Variants in ALK observed in about 807,000 individuals in gnomAD.
ALK encodes ALK tyrosine kinase receptor.
A neutral mutation model predicts 163.1 loss-of-function variants in ALK; 74 were observed. That is an observed-to-expected ratio of 0.45 (90% confidence interval 0.38 to 0.55). The LOEUF (loss-of-function observed/expected upper bound fraction) is 0.55. Among genes scored for constraint, ALK ranks in the 20% least tolerant of loss-of-function variants. The pLI, the probability that ALK is intolerant of heterozygous loss-of-function variation, is 0.00. For synonymous variants in ALK, 960 were observed against 843.2 expected (o/e 1.14, Z -2.40); for missense variants, 2,063 against 2,105.3 (o/e 0.98, Z 0.39).
intron 1 of ALK, among the ~76,000 whole-genome samples, chr2:29,772,730 T>G (rs1196164519): frequency 1.3e-5 from 2 of 152,220 alleles, no homozygotes; most frequent in Non-Finnish European, 2.9e-5. Context: ...CGACAAGCCT[T>G]ATACACTATT....
At chr2:29,543,080 T>C (rs1673456962) in intron 3 of ALK, among the ~76,000 whole-genome samples, 1 of 152,190 alleles carries the variant, frequency 6.6e-6, no homozygotes, top group South Asian at 2.1e-4. Context: ...TAAATTTATT[T>C]ATGTGCAAAT....
At chr2:29,363,843 T>C (rs1442790820) in intron 5 of ALK, among the ~76,000 whole-genome samples, 1 of 152,202 alleles carries the variant, frequency 6.6e-6, no homozygotes, top group Non-Finnish European at 1.5e-5. Flanking sequence ...CCAGATTTCA[T>C]TCTGTTTGAG....
chr2:29,725,462 T>C (rs2148313497), intron 1 of ALK, among the ~76,000 whole-genome samples: 1 of 152,286 alleles, frequency 6.6e-6, no homozygotes, highest in East Asian at 1.9e-4. Context: ...GCAGTTGAGC[T>C]GGGATTCGGG....
At chr2:29,533,874 A>G (rs56044808) in intron 3 of ALK, among the ~76,000 whole-genome samples, 18,038 of 152,202 alleles carry the variant, frequency 0.12, 1,397 homozygotes, top group Non-Finnish European at 0.18. Context: ...GCCTTCAGGA[A>G]GGAGGAGACA....
chr2:29,354,539 G>A (rs3927337), intron 5 of ALK, among the ~76,000 whole-genome samples: 45,512 of 151,744 alleles, frequency 0.3, 8,015 homozygotes, highest in East Asian at 0.57. Context: ...CCATGGCATC[G>A]TGCACCGGAG....
chr2:29,532,678 G>C (rs1294638552), intron 3 of ALK, among the ~76,000 whole-genome samples: 1 of 152,156 alleles, frequency 6.6e-6, no homozygotes, highest in Non-Finnish European at 1.5e-5. Context: ...TTTCCCTCTG[G>C]AGCAAGCCAA....
chr2:29,478,581 G>A (rs1328197670), intron 4 of ALK, among the ~76,000 whole-genome samples: 1 of 152,238 alleles, frequency 6.6e-6, no homozygotes, highest in African/African-American at 2.4e-5. Flanking sequence ...CTCATGCTGT[G>A]CTCTCAAGGC....
intron 1 of ALK, among the ~76,000 whole-genome samples, chr2:29,861,922 A>G (rs1260329172): frequency 1.3e-5 from 2 of 152,220 alleles, no homozygotes; most frequent in Non-Finnish European, 2.9e-5. Flanking sequence ...TTAAAAGATC[A>G]TTCACCACGA....
intron 1 of ALK, among the ~76,000 whole-genome samples, chr2:29,895,050 A>G (rs891173831): frequency 6.6e-6 from 1 of 151,952 alleles, no homozygotes; most frequent in African/African-American, 2.4e-5. Flanking sequence ...TCCTTTCTGA[A>G]GACTTAATAT....
intron 4 of ALK, among the ~76,000 whole-genome samples, chr2:29,401,040 G>C (rs572465121): frequency 2.0e-5 from 3 of 151,858 alleles, no homozygotes; most frequent in South Asian, 4.2e-4. Flanking sequence ...TAGTGGCTCT[G>C]GTTACAGAGT....
chr2:29,303,635 G>A lies in ALK; in HGVS notation c.1648-6578C>T, dbSNP rs149747933. On this transcript the variant is annotated intron_variant, in intron 8 of 28. Transcript: ENST00000389048. ...TAGCAAAGTCATAGAATCAACCTAC[G>A]TGTCCCTCAATGGTGCATCGGATAA... Among the ~76,000 whole-genome samples the A allele has an allele frequency of 9.2e-5, 14 of 152,262 alleles. No homozygotes were observed. In the East Asian group the frequency reaches 2.5e-3, roughly 27 times the overall value.
At chr2:29,823,841 T>C (rs1665119302) in intron 1 of ALK, among the ~76,000 whole-genome samples, 1 of 152,148 alleles carries the variant, frequency 6.6e-6, no homozygotes, top group Admixed American at 6.5e-5. Flanking sequence ...GAGGGGAAAT[T>C]CAAGCCAGCT....
At chr2:29,816,817 G>A (rs1005552657) in intron 1 of ALK, among the ~76,000 whole-genome samples, 1 of 152,212 alleles carries the variant, frequency 6.6e-6, no homozygotes, top group African/African-American at 2.4e-5. Context: ...CTGACGGGAT[G>A]TGATGTATGG....
At chr2:29,783,337 A>T (rs552490660) in intron 1 of ALK, among the ~76,000 whole-genome samples, 2 of 152,342 alleles carry the variant, frequency 1.3e-5, no homozygotes, top group East Asian at 3.9e-4. Context: ...AACAATGTTC[A>T]ATTATGTGTC....
intron 1 of ALK, among the ~76,000 whole-genome samples, chr2:29,882,737 T>G (rs1304517671): frequency 6.6e-6 from 1 of 152,170 alleles, no homozygotes; most frequent in Non-Finnish European, 1.5e-5. Context: ...TCACCTGGCT[T>G]GAGAAGTCAA....
intron 1 of ALK, among the ~76,000 whole-genome samples, chr2:29,850,573 A>G (rs1400919685): frequency 6.6e-6 from 1 of 152,138 alleles, no homozygotes; most frequent in Non-Finnish European, 1.5e-5. Context: ...AAAGGCCTCA[A>G]TCCCTTGCAT....
chr2:29,815,052 C>T (rs186196836), intron 1 of ALK, among the ~76,000 whole-genome samples: 71 of 146,974 alleles, frequency 4.8e-4, no homozygotes, highest in African/African-American at 1.6e-3. Context: ...TAGTATGGTG[C>T]GGGCCATTAG....
intron 4 of ALK, among the ~76,000 whole-genome samples, chr2:29,438,077 T>C (rs1670447854): frequency 6.6e-6 from 1 of 151,936 alleles, no homozygotes; most frequent in African/African-American, 2.4e-5. Flanking sequence ...CCTTTAGGAA[T>C]ATGTAGGCGG....
chr2:29,272,112 G>T (rs1207397854), intron 11 of ALK, among the ~76,000 whole-genome samples: 1 of 151,834 alleles, frequency 6.6e-6, no homozygotes, highest in Non-Finnish European at 1.5e-5. Context: ...ATTCATTACT[G>T]CCAGAGAGAG....
Sources: allele counts gnomAD v4.1 joint callset (sites outside exome capture counted in the v4.1 genomes callset), GRCh38; gene constraint gnomAD v4.1.1; transcripts MANE v1.5; gene names NCBI Gene and HGNC (gene_info 2026-07-23, HGNC 2026-07-21).